TNNT3: variants seen among roughly 807,000 people sequenced by gnomAD.
TNNT3 encodes troponin T, fast skeletal muscle.
In TNNT3, 36 loss-of-function variants were observed where a neutral mutation model predicts 54.2. That is an observed-to-expected ratio of 0.66 (90% CI 0.51 to 0.88). The LOEUF is 0.88. Among genes scored for constraint, TNNT3 ranks in the 40% least tolerant of loss-of-function variants. TNNT3 has a pLI of 0.00. For synonymous variants in TNNT3, 120 were observed against 109.7 expected (o/e 1.09, Z -0.59); for missense variants, 291 against 331.6 (o/e 0.88, Z 0.95).
At position 1,931,787 on chromosome 11, in the gene TNNT3, T is replaced by C. The variant is rs983231214; in HGVS notation, c.126-682T>C. ...TGGTGTCATCTGGCCTTCTTTCCCT[T>C]AGAGGCACCTTCTGGTGCTCCTGAG... On this transcript the variant is annotated intron_variant, in intron 8 of 15. Coordinates refer to ENST00000278317, the MANE Select transcript of TNNT3 (RefSeq NM_006757.4). Among the ~76,000 whole-genome samples, 5 of 151,710 alleles carry C rather than the reference T, an allele frequency of 3.3e-5. No individual in the cohort carries two copies. The East Asian group carries it at 7.7e-4, about 23-fold the overall frequency.
chr11:1,936,245 TG>T (rs1016962147), intron 14 of TNNT3: 72 of 1,613,746 alleles, frequency 4.5e-5, no homozygotes, highest in Non-Finnish European at 6.0e-5. Flanking sequence ...GTGCAGATGC[TG>T]GCCAAGTTGT....
intron 7 of TNNT3, 58 bp downstream of exon 7, chr11:1,929,201 G>A: frequency 1.3e-6 from 2 of 1,596,456 alleles, no homozygotes; most frequent in Non-Finnish European, 1.7e-6. Context: ...CGACGCGAGG[G>A]AAAGAGGACA....
intron 1 of TNNT3, among the ~76,000 whole-genome samples, chr11:1,922,533 G>T (rs571161981): frequency 6.6e-6 from 1 of 152,148 alleles, no homozygotes; most frequent in Admixed American, 6.5e-5. Flanking sequence ...GGGACGCCAC[G>T]GAGAGGATGT....
In TNNT3 at chr11:1,932,392, G is replaced by A. The variant is rs371388765; in HGVS notation, c.126-77G>A. On this transcript the variant is annotated intron_variant, in intron 8 of 15. Transcript: ENST00000278317. ...AGGGCACCAGGGTTGGCAGGGGCCA[G>A]CGGGGAAAGCGCCAGGCTGACCCTC... The A allele has an allele frequency of 1.5e-3, 2,194 of 1,463,986 alleles. 11 individuals are homozygous for A. The highest frequency in any genetic ancestry group is 5.2e-3 in the South Asian group (456 of 88,074). The allele number at this position is 1,463,986 out of a possible 1,614,324, so 90.7% of individuals were successfully genotyped here.
At chr11:1,925,166 C>G (rs770449076) in intron 5 of TNNT3, 50 bp downstream of exon 5, 1 of 1,602,458 alleles carries the variant, frequency 6.2e-7, no homozygotes, top group Non-Finnish European at 8.5e-7. Context: ...CCAGCCTTCC[C>G]GCCCCACCCA....
chr11:1,923,746 AT>A (rs1850741701), intron 4 of TNNT3, among the ~76,000 whole-genome samples, 174 bp downstream of exon 4: 1 of 152,074 alleles, frequency 6.6e-6, no homozygotes, highest in Non-Finnish European at 1.5e-5. Flanking sequence ...TTCATCATTA[AT>A]TAATGATAAA....
intron 9 of TNNT3, 41 bp downstream of exon 9, chr11:1,932,555 C>T (rs1853704678): frequency 1.9e-6 from 3 of 1,605,756 alleles, no homozygotes; most frequent in Admixed American, 1.7e-5. Context: ...CACGGTTTCC[C>T]CACACCCCAG....
chr11:1,928,475 C>T (rs777843918), intron 6 of TNNT3, among the ~76,000 whole-genome samples: 4 of 152,180 alleles, frequency 2.6e-5, no homozygotes, highest in Non-Finnish European at 4.4e-5. Flanking sequence ...AGAGGGCAAG[C>T]CCCAGGGAGG....
intron 7 of TNNT3, 81 bp from the exon 8 acceptor site, chr11:1,929,729 C>A: frequency 1.3e-6 from 2 of 1,502,658 alleles, no homozygotes; most frequent in Non-Finnish European, 1.8e-6. Context: ...GGGCCGCAGG[C>A]CGCCCAGTCT....
intron 1 of TNNT3, among the ~76,000 whole-genome samples, chr11:1,920,857 C>A (rs1380817665): frequency 2.0e-5 from 3 of 152,176 alleles, no homozygotes; most frequent in Non-Finnish European, 4.4e-5. Context: ...AGCCCCTCCC[C>A]GCAACAGAGG....
intron 8 of TNNT3, among the ~76,000 whole-genome samples, 157 bp downstream of exon 8, chr11:1,929,985 T>G (rs1339248486): frequency 6.6e-6 from 1 of 152,130 alleles, no homozygotes; most frequent in Non-Finnish European, 1.5e-5. Context: ...GCCTCGTGTG[T>G]TCCGTGGTGG....
At chr11:1,937,085 C>A in intron 15 of TNNT3, 82 bp downstream of exon 15, 1 of 1,445,174 alleles carries the variant, frequency 6.9e-7, no homozygotes, top group Non-Finnish European at 9.5e-7. Flanking sequence ...CTAACAAGGG[C>A]CGGTGGTGGC....
chr11:1,930,178 G>A (rs929158007), intron 8 of TNNT3, among the ~76,000 whole-genome samples: 3 of 152,146 alleles, frequency 2.0e-5, no homozygotes, highest in South Asian at 4.1e-4. Flanking sequence ...GGCTGCAGAC[G>A]AGGAAGGAGG....
intron 9 of TNNT3, among the ~76,000 whole-genome samples, chr11:1,932,843 C>CCCATCCATCCATCCAT (rs71025793): frequency 4.4e-4 from 62 of 142,492 alleles, no homozygotes; most frequent in African/African-American, 1.0e-3. Context: ...CACCCACCTA[C>CCCATCCATCCATCCAT]CCATCCATCC....
At chr11:1,929,918 C>A in intron 8 of TNNT3, 90 bp downstream of exon 8, 1 of 1,484,132 alleles carries the variant, frequency 6.7e-7, no homozygotes, top group Non-Finnish European at 9.2e-7. Context: ...GGCCCAGTGC[C>A]GAGTGTGTTC....
intron 1 of TNNT3, among the ~76,000 whole-genome samples, chr11:1,920,414 G>A (rs1849828570): frequency 6.6e-6 from 1 of 152,168 alleles, no homozygotes; most frequent in East Asian, 1.9e-4. Flanking sequence ...GTGAGGGGCT[G>A]GGCTTCATCG....
At chr11:1,932,063 C>G (rs891018112) in intron 8 of TNNT3, among the ~76,000 whole-genome samples, 1 of 152,234 alleles carries the variant, frequency 6.6e-6, no homozygotes. Context: ...GGGAAAGGCA[C>G]AGGCTCGCAG....
chr11:1,937,840 C>T lies in TNNT3; in HGVS notation c.723-598C>T, dbSNP rs546378178. 5.9e-5 allele frequency among the ~76,000 whole-genome samples: 9 copies of T among 152,310 alleles called. No homozygotes were observed. The South Asian group carries it at 1.0e-3, about 18-fold the overall frequency. On this transcript the variant is annotated intron_variant, in intron 15 of 15. Transcript: ENST00000278317. ...AGTCGGCGTGGTGTGCATGTGCCTGCGTGTGTGCATGTGTGCATGTGCCGA... is the reference window on the plus strand; with the variant it reads ...AGTCGGCGTGGTGTGCATGTGCCTGTGTGTGTGCATGTGTGCATGTGCCGA...
At chr11:1,920,121 G>A (rs1849754928) in intron 1 of TNNT3, among the ~76,000 whole-genome samples, 1 of 152,180 alleles carries the variant, frequency 6.6e-6, no homozygotes, top group South Asian at 2.1e-4. Context: ...CAGGGAAGAG[G>A]CTGTGCAGGG....
Sources: gnomAD v4.1 joint callset for allele counts (sites outside exome capture counted in the v4.1 genomes callset) on GRCh38, gnomAD v4.1.1 for gene constraint, MANE v1.5 for transcripts, NCBI Gene and HGNC (gene_info 2026-07-23, HGNC 2026-07-21) for gene names.